UNC80: variants seen among roughly 807,000 people sequenced by gnomAD.
UNC80 encodes the protein unc-80 subunit of NALCN channel complex.
In UNC80, 164 loss-of-function variants were observed where a neutral mutation model predicts 384.6. That is an observed-to-expected ratio of 0.43 (90% CI 0.38 to 0.49). The LOEUF (loss-of-function observed/expected upper bound fraction) is 0.49, where lower values mean the gene tolerates loss of function less well. UNC80 is among the 20% of genes least tolerant of loss of function. The pLI is 0.00. For synonymous variants in UNC80, 1,486 were observed against 1,527.8 expected, an observed-to-expected ratio of 0.97 and a Z score of 0.64; for missense variants, 3,330 against 4,143.0, an observed-to-expected ratio of 0.80 and a Z score of 5.39.
In UNC80 at chr2:209,772,162, C is replaced by T. The variant is rs1298596972; in HGVS notation, c.90C>T (p.Thr30=). The T allele has an allele frequency of 1.3e-6, 2 of 1,544,038 alleles. No individual in the cohort carries two copies. Among genetic ancestry groups the T allele is most frequent in the Admixed American group, 3.9e-5 (2 of 50,762 alleles). The change falls in exon 1 of 65, where the codon ACC becomes ACT. Residue 30 remains threonine, a splice_region_variant and synonymous_variant. Transcript: ENST00000673920. ...LPIQTFLWRQ[T]SAFLRPKLGK... ...TCCAGACCTTCCTGTGGCGGCAAAC[C>T]AGGTGAGGGGCGCAGAGGGCGCACC...
rs568941390 is a variant in UNC80 at position 209,800,659 on chromosome 2, T to C, written c.938+6800T>C. ...TTTAATTGTGATGTTAGCAGGTCAA[T>C]TTTAGATCTTTTTAGCTTTCTGATA... On this transcript the variant is annotated intron_variant, in intron 7 of 64. Coordinates refer to ENST00000673920, the MANE Select transcript of UNC80 (RefSeq NM_001371986.1). Among the ~76,000 whole-genome samples, 7 of 152,328 alleles carry C rather than the reference T, an allele frequency of 4.6e-5. No individual in the cohort carries two copies. In the South Asian group the frequency reaches 1.5e-3, roughly 32 times the overall value.
At chr2:209,992,108 C>G in intron 61 of UNC80, 58 bp from the exon 62 acceptor site, 1 of 1,424,096 alleles carries the variant, frequency 7.0e-7, no homozygotes, top group South Asian at 1.3e-5. Context: ...TAACACCCAC[C>G]AGAGGACAGT....
rs557777623 is a variant in UNC80, at chr2:209,993,367, G to C, written c.9449G>C (p.Arg3150Pro). The C allele has an allele frequency of 3.2e-6, 5 of 1,551,562 alleles. No homozygotes were observed. In the South Asian group the frequency reaches 4.8e-5, roughly 15 times the overall value. Reference protein sequence around the residue: ...RQKTQTEPRNRQGARLSTTRR... With the variant: ...RQKTQTEPRNPQGARLSTTRR... ...AAAACTCAGACTGAACCCAGAAATCGCCAAGGGGCTCGGCTGTCAACCACT... is the reference window on the plus strand; with the variant it reads ...AAAACTCAGACTGAACCCAGAAATCCCCAAGGGGCTCGGCTGTCAACCACT... Residue 3150 changes from arginine (R) to proline (P), a missense_variant, in exon 63 of 65, where the codon CGC (arginine) becomes CCC (proline). Physicochemically the swap from Arg to Pro is moderately radical, Grantham distance 103. Around this residue, in one of 8 missense-constraint regions of UNC80, gnomAD observed 236 missense variants for 254.9 expected, o/e 0.93. Coordinates refer to ENST00000673920, the MANE Select transcript of UNC80 (RefSeq NM_001371986.1).
intron 49 of UNC80, 98 bp downstream of exon 49, chr2:209,957,834 T>G: frequency 9.1e-7 from 1 of 1,094,230 alleles, no homozygotes; most frequent in African/African-American, 1.6e-5. Flanking sequence ...TAGTCAATAT[T>G]GAGTGTGAAA....
rs913512998 is a variant in UNC80 at position 209,860,479 on chromosome 2, C to T, written c.3627+10856C>T. Reference sequence around the variant, plus strand: ...AGCATTGTAGTTTGAAGTCAGGTAGCATGATGCCTCCAGCTTTGTTCTTTT... The same window carrying T: ...AGCATTGTAGTTTGAAGTCAGGTAGTATGATGCCTCCAGCTTTGTTCTTTT... On this transcript the variant is annotated intron_variant, in intron 22 of 64. Coordinates refer to ENST00000673920, the MANE Select transcript of UNC80 (RefSeq NM_001371986.1). Among the ~76,000 whole-genome samples the T allele has an allele frequency of 3.3e-5, 5 of 152,228 alleles. No individual in the cohort carries two copies. In the South Asian group the frequency reaches 1.0e-3, roughly 32 times the overall value.
chr2:209,857,571 T>C (rs1218218992), intron 22 of UNC80, among the ~76,000 whole-genome samples: 3 of 152,150 alleles, frequency 2.0e-5, no homozygotes, highest in Admixed American at 6.5e-5. Context: ...AATTTATTAA[T>C]GCTTGCTCTT....
At chr2:209,837,803 G>A (rs181548479) in intron 18 of UNC80, among the ~76,000 whole-genome samples, 1,854 of 144,522 alleles carry the variant, frequency 0.013, 44 homozygotes, top group African/African-American at 0.043. Context: ...ACGGAGTCTC[G>A]CTCTTTCGCC....
chr2:209,913,766 A>C, intron 30 of UNC80, 36 bp from the exon 31 acceptor site: 1 of 1,527,034 alleles, frequency 6.5e-7, no homozygotes, highest in Non-Finnish European at 8.9e-7. Flanking sequence ...TCACTGTCTT[A>C]AAAGATTTTA....
chr2:209,930,038 A>C, intron 37 of UNC80, 67 bp downstream of exon 37: 2 of 1,152,438 alleles, frequency 1.7e-6, no homozygotes, highest in Non-Finnish European at 2.4e-6. Context: ...AAATCATGCA[A>C]AGAACTTTAT....
intron 42 of UNC80, 62 bp from the exon 43 acceptor site, chr2:209,939,410 A>G: frequency 7.1e-7 from 1 of 1,417,452 alleles, no homozygotes; most frequent in Non-Finnish European, 9.3e-7. Context: ...TAGTTTTTTC[A>G]GTCTATAAAT....
Position 209,945,161 on chromosome 2 carries a change from C to A in UNC80, c.7161C>A (p.Val2387=). 1 of 1,551,004 alleles carries A rather than the reference C, an allele frequency of 6.4e-7. No homozygotes were observed. Among genetic ancestry groups the A allele is most frequent in the Admixed American group, 2.0e-5 (1 of 50,936 alleles). Residue 2387 remains valine (V), a synonymous_variant, in exon 46 of 65, where the codon GTC becomes GTA. Transcript: ENST00000673920. ...TTDILDILEL[V]KAEKPLKSLD... ...ACATATTAGACATCTTAGAGCTGGT[C>A]AAAGCTGAGAAGCCTCTCAAGTCAT...
At chr2:209,911,901 A>G (rs2088990940) in intron 29 of UNC80, among the ~76,000 whole-genome samples, 1 of 152,188 alleles carries the variant, frequency 6.6e-6, no homozygotes, top group South Asian at 2.1e-4. Flanking sequence ...TATGTAGATG[A>G]ATCTCCTGGT....
At position 209,957,724 on chromosome 2, in the gene UNC80, G is replaced by A; in HGVS notation, c.7538G>A (p.Gly2513Glu). 1.3e-6 allele frequency: 2 copies of A among 1,551,364 alleles called. No homozygotes were observed. The highest frequency in any genetic ancestry group is 1.7e-4 in the Middle Eastern group (1 of 5,990). The change falls in exon 49 of 65, where the codon GGG becomes GAG. Residue 2513 changes from glycine (G) to glutamate (E), a missense_variant. By Grantham distance (98) the Gly-to-Glu change is moderately conservative. This residue lies in a region of UNC80 where 1,049 missense variants were observed against 1,488.6 expected (regional missense o/e 0.70). Coordinates refer to ENST00000673920, the MANE Select transcript of UNC80 (RefSeq NM_001371986.1). ...ACAGCCAATCACACCATGTCGTCTG[G>A]GGTGAACACCAGGTAATTCACTGCG... is the stretch of plus-strand genomic sequence containing the variant. ...TTTANHTMSS[G>E]VNTRYQEQGA...
chr2:209,913,711 A>C lies in UNC80; in HGVS notation c.4891-91A>C, dbSNP rs964893387. ...CATTTTAAGGTCACTTAAGGCAAGC[A>C]GAGAGAGGGGACGTGGCTTTTAAGT... On this transcript the variant is annotated intron_variant, in intron 30 of 64. Transcript: ENST00000673920. The C allele has an allele frequency of 5.2e-6, 7 of 1,338,220 alleles. No individual in the cohort carries two copies. In the African/African-American group the frequency reaches 7.3e-5, roughly 14 times the overall value. The allele number at this position is 1,338,220 out of a possible 1,614,324, so 82.9% of individuals were successfully genotyped here.
intron 13 of UNC80, among the ~76,000 whole-genome samples, chr2:209,823,873 A>G (rs1440197317): frequency 2.0e-5 from 3 of 152,112 alleles, no homozygotes; most frequent in African/African-American, 7.2e-5. Context: ...TAAAAATCCA[A>G]AAATCTGAAA....
At chr2:209,906,248 T>C (rs1477659003) in intron 29 of UNC80, among the ~76,000 whole-genome samples, 2 of 152,076 alleles carry the variant, frequency 1.3e-5, no homozygotes, top group African/African-American at 4.8e-5. Context: ...CAAAGGGATT[T>C]TTTTAATTAC....
intron 25 of UNC80, among the ~76,000 whole-genome samples, chr2:209,885,155 T>C (rs1424291969): frequency 6.6e-6 from 1 of 152,076 alleles, no homozygotes; most frequent in Non-Finnish European, 1.5e-5. Context: ...AATTCATAGC[T>C]ACCAAGACAA....
At chr2:209,919,540 A>G (rs1334797109) in intron 33 of UNC80, among the ~76,000 whole-genome samples, 1 of 152,212 alleles carries the variant, frequency 6.6e-6, no homozygotes, top group Non-Finnish European at 1.5e-5. Flanking sequence ...GAATGGCCAA[A>G]ACAACTTACT....
intron 22 of UNC80, among the ~76,000 whole-genome samples, chr2:209,850,096 T>C (rs1406550693): frequency 6.6e-6 from 1 of 152,114 alleles, no homozygotes; most frequent in Non-Finnish European, 1.5e-5. Context: ...GATTTCATTA[T>C]CCATCAATTG....
Sources: allele counts gnomAD v4.1 joint callset (sites outside exome capture counted in the v4.1 genomes callset), GRCh38; gene constraint gnomAD v4.1.1; regional missense constraint gnomAD v4.1.1; transcripts MANE v1.5; gene names NCBI Gene and HGNC (gene_info 2026-07-23, HGNC 2026-07-21).